PEX3: variants seen among roughly 807,000 people sequenced by gnomAD.
The protein encoded by PEX3 is peroxin-3.
Under a neutral mutation model 55.8 loss-of-function variants are expected in PEX3, and 30 were observed. That is an observed-to-expected ratio of 0.54 (90% CI 0.40 to 0.73). The LOEUF (loss-of-function observed/expected upper bound fraction) is 0.73, where lower values mean the gene tolerates loss of function less well. PEX3 is among the 30% of genes least tolerant of loss of function. The pLI, the probability that PEX3 is intolerant of heterozygous loss-of-function variation, is 0.00. For synonymous variants in PEX3, 135 were observed against 148.4 expected, an observed-to-expected ratio of 0.91 and a Z score of 0.66; for missense variants, 351 against 432.8, an observed-to-expected ratio of 0.81 and a Z score of 1.68.
rs1362175983 is a variant in PEX3, at chr6:143,487,530, G to T, written c.1039-1613G>T. Among the ~76,000 whole-genome samples, 5 of 152,068 alleles carry T rather than the reference G, an allele frequency of 3.3e-5. No individual in the cohort carries two copies. The highest frequency in any genetic ancestry group is 5.9e-5 in the Non-Finnish European group (4 of 67,982). ...ATTAAAAACTCAATAAGATCCTTAA[G>T]ATTAGAGCTTTTTCGTAACTCAAAA... On this transcript the variant is annotated intron_variant, in intron 11 of 11. Transcript: ENST00000367591. The surrounding 1 kb of genome is among the most constrained non-coding windows in gnomAD (Gnocchi z 5.3).
At chr6:143,456,301 A>T (rs1483320415) in intron 1 of PEX3, among the ~76,000 whole-genome samples, 1 of 152,164 alleles carries the variant, frequency 6.6e-6, no homozygotes, top group African/African-American at 2.4e-5. Flanking sequence ...CATGAGCTCC[A>T]TGTTTTAGCT....
At chr6:143,484,862 A>G (rs1780291808) in intron 10 of PEX3, 1 of 365,566 alleles carries the variant, frequency 2.7e-6, no homozygotes, top group Non-Finnish European at 5.1e-6. Context: ...ACTTTTAATA[A>G]GATGGAAAAT....
Position 143,488,079 on chromosome 6 carries a change from T to C in PEX3, c.1039-1064T>C, listed in dbSNP as rs1229201668. Among the ~76,000 whole-genome samples, 2 of 152,164 alleles carry C rather than the reference T, an allele frequency of 1.3e-5. No homozygotes were observed. Among genetic ancestry groups the C allele is most frequent in the Non-Finnish European group, 2.9e-5 (2 of 67,998 alleles). On this transcript the variant is annotated intron_variant, in intron 11 of 11. Transcript: ENST00000367591. This position sits in a 1 kb window ranked among gnomAD's most constrained non-coding sequence, Gnocchi z 4.9. ...AACATTGATCTAAACCTATGTTTCA[T>C]TGAACACCTAGACTGAATACTTGAA...
intron 8 of PEX3, among the ~76,000 whole-genome samples, chr6:143,473,047 C>T (rs1780096815): frequency 6.6e-6 from 1 of 152,194 alleles, no homozygotes; most frequent in African/African-American, 2.4e-5. Context: ...GGTTTGCACT[C>T]ATTCTTTGTA....
chr6:143,469,560 T>A lies in PEX3; in HGVS notation c.331+1395T>A, dbSNP rs1390996254. ...CTTGTAAATTTGTTTAAGTTCTTTG[T>A]AGATTCTGGATGATAGCCCTTTGTC... is the stretch of plus-strand genomic sequence containing the variant. On this transcript the variant is annotated intron_variant, in intron 4 of 11. Coordinates refer to ENST00000367591, the MANE Select transcript of PEX3 (RefSeq NM_003630.3). Among the ~76,000 whole-genome samples the A allele has an allele frequency of 2.6e-5, 4 of 152,342 alleles. No homozygotes were observed. The East Asian group carries it at 7.7e-4, about 29-fold the overall frequency.
chr6:143,470,978 G>T lies in PEX3; in HGVS notation c.349G>T (p.Val117Leu). ...CTGTGAAGGTTTCACAAGAAGTACT[G>T]TGGCTGTATACAGTACCTGTATGCT... ...LKIISFTRSTVAVYSTCMLVV... is the reference protein window; with the variant it reads ...LKIISFTRSTLAVYSTCMLVV... The change falls in exon 5 of 12, where the codon GTG (valine) becomes TTG (leucine). Residue 117 changes from valine (V) to leucine (L), a missense_variant. Val to Leu is a conservative substitution (Grantham distance 32). Transcript: ENST00000367591. 6.2e-7 allele frequency: 1 copy of T among 1,612,672 alleles called. No homozygotes were observed. The highest frequency in any genetic ancestry group is 8.5e-7 in the Non-Finnish European group (1 of 1,178,906).
At position 143,488,256 on chromosome 6, in the gene PEX3, G is replaced by A. The variant is rs1317548926; in HGVS notation, c.1039-887G>A. 3.3e-5 allele frequency among the ~76,000 whole-genome samples: 5 copies of A among 152,060 alleles called. No individual in the cohort carries two copies. The East Asian group carries it at 9.6e-4, about 29-fold the overall frequency. ...TCCCATTTCTTTGACACTCTCAGAG[G>A]CTGTCAACCTTTTCTATCATGGACC... On this transcript the variant is annotated intron_variant, in intron 11 of 11. Transcript: ENST00000367591. This position sits in a 1 kb window ranked among gnomAD's most constrained non-coding sequence, Gnocchi z 4.9.
At chr6:143,470,685 G>A (rs979966527) in intron 4 of PEX3, among the ~76,000 whole-genome samples, 3 of 152,102 alleles carry the variant, frequency 2.0e-5, no homozygotes, top group Admixed American at 6.5e-5. Flanking sequence ...GTGCTTCCCA[G>A]ACTTTTCCTT....
chr6:143,469,744 C>T (rs1244470171), intron 4 of PEX3, among the ~76,000 whole-genome samples: 3 of 152,148 alleles, frequency 2.0e-5, no homozygotes, highest in Non-Finnish European at 4.4e-5. Context: ...GTCATGAAGT[C>T]CTTGCCCATG....
At position 143,458,729 on chromosome 6, in the gene PEX3, A is replaced by C. The variant is rs1215561707; in HGVS notation, c.74-356A>C. Among the ~76,000 whole-genome samples, 1 of 152,214 alleles carries C rather than the reference A, an allele frequency of 6.6e-6. No individual in the cohort carries two copies. The highest frequency in any genetic ancestry group is 1.5e-5 in the Non-Finnish European group (1 of 68,042). On this transcript the variant is annotated intron_variant, in intron 1 of 11. Transcript: ENST00000367591. This position sits in a 1 kb window ranked among gnomAD's most constrained non-coding sequence, Gnocchi z 6.1. ...TTATTTAGCAATGTGGTTTTTAATA[A>C]CTACATAAGATTTCGTTGTATGGCT...
At chr6:143,469,810 G>A (rs1780045489) in intron 4 of PEX3, among the ~76,000 whole-genome samples, 1 of 152,156 alleles carries the variant, frequency 6.6e-6, no homozygotes, top group Non-Finnish European at 1.5e-5. Context: ...ATGGTTTTAG[G>A]TCTAACATTT....
In PEX3 at chr6:143,465,728, T is replaced by A. The variant is rs1004877195; in HGVS notation, c.288-2394T>A. On this transcript the variant is annotated intron_variant, in intron 3 of 11. Coordinates refer to ENST00000367591, the MANE Select transcript of PEX3 (RefSeq NM_003630.3). The surrounding 1 kb of genome is among the most constrained non-coding windows in gnomAD (Gnocchi z 4.7). ...CGTGAGTCTTGAACACTAGATTAGA[T>A]TAAGGTTGCAGCAGTGTCTTGCATG... Among the ~76,000 whole-genome samples, 1 of 151,990 alleles carries A rather than the reference T, an allele frequency of 6.6e-6. No individual in the cohort carries two copies. Among genetic ancestry groups the A allele is most frequent in the African/African-American group, 2.4e-5 (1 of 41,430 alleles).
At chr6:143,467,370 TATAAATAA>T (rs926394607) in intron 3 of PEX3, among the ~76,000 whole-genome samples, 22 of 152,036 alleles carry the variant, frequency 1.4e-4, no homozygotes, top group Admixed American at 1.4e-3. Flanking sequence ...CATATGCACA[TATAAATAA>T]ATAAATAAAT....
Position 143,486,249 on chromosome 6 carries a change from C to A in PEX3, c.1038+1001C>A, listed in dbSNP as rs1022141698. Among the ~76,000 whole-genome samples, 3 of 152,110 alleles carry A rather than the reference C, an allele frequency of 2.0e-5. No individual in the cohort carries two copies. The highest frequency in any genetic ancestry group is 2.9e-5 in the Non-Finnish European group (2 of 67,992). ...TTTTACTGAATGTTAAGCTTCACAT[C>A]TATATCAATGTGAGAAAAAGGTCAT... On this transcript the variant is annotated intron_variant, in intron 11 of 11. Transcript: ENST00000367591. The surrounding 1 kb of genome is among the most constrained non-coding windows in gnomAD (Gnocchi z 5.0).
At position 143,470,948 on chromosome 6, in the gene PEX3, T is replaced by C. The variant is rs979636036; in HGVS notation, c.332-13T>C. ...TAATCACAGTACCAAATGCTTTTCT[T>C]TTCTCTGTGAAGGTTTCACAAGAAG... On this transcript the variant is annotated splice_polypyrimidine_tract_variant and intron_variant, in intron 4 of 11. Transcript: ENST00000367591. The C allele has an allele frequency of 9.9e-6, 16 of 1,611,174 alleles. No homozygotes were observed. Among genetic ancestry groups the C allele is most frequent in the African/African-American group, 4.0e-5 (3 of 74,824 alleles).
rs560504027 is a variant in PEX3, at chr6:143,463,557, G to A, written c.287+560G>A. 7.9e-5 allele frequency among the ~76,000 whole-genome samples: 12 copies of A among 152,214 alleles called. No individual in the cohort carries two copies. In the South Asian group the frequency reaches 2.5e-3, roughly 32 times the overall value. ...TGTATATTGCATGTAGCATGTGTTG[G>A]GGTATTGTAATTTGGTATGATACTG... is the stretch of plus-strand genomic sequence containing the variant. On this transcript the variant is annotated intron_variant, in intron 3 of 11. Coordinates refer to ENST00000367591, the MANE Select transcript of PEX3 (RefSeq NM_003630.3). The surrounding 1 kb of genome is among the most constrained non-coding windows in gnomAD (Gnocchi z 5.7).
rs1443231747 is a variant in PEX3 at position 143,454,340 on chromosome 6, C to A, written c.73+3225C>A. 6.6e-6 allele frequency among the ~76,000 whole-genome samples: 1 copy of A among 152,146 alleles called. No individual in the cohort carries two copies. Among genetic ancestry groups the A allele is most frequent in the Non-Finnish European group, 1.5e-5 (1 of 68,030 alleles). On this transcript the variant is annotated intron_variant, in intron 1 of 11. Transcript: ENST00000367591. The surrounding 1 kb of genome is among the most constrained non-coding windows in gnomAD (Gnocchi z 4.3). ...CTCCCTGAAATGGTCTTAAAGACCC[C>A]AGGGGTGCCCATGCCACACTTTGAG...
chr6:143,477,470 G>A (rs1412252070), intron 9 of PEX3, among the ~76,000 whole-genome samples: 1 of 152,116 alleles, frequency 6.6e-6, no homozygotes, highest in African/African-American at 2.4e-5. Flanking sequence ...CTTTGAATAG[G>A]AGAAAGGAAT....
chr6:143,474,969 ATTTTTGACT>A, intron 9 of PEX3, 113 bp downstream of exon 9: 1 of 597,266 alleles, frequency 1.7e-6, no homozygotes. Flanking sequence ...TTAAAATTAA[ATTTTTGACT>A]CTGTTCCCCA....
Sources: gnomAD v4.1 joint callset for allele counts (sites outside exome capture counted in the v4.1 genomes callset) on GRCh38, gnomAD v4.1.1 for gene constraint, Gnocchi (gnomAD v3.1) non-coding constraint, MANE v1.5 for transcripts, NCBI Gene and HGNC (gene_info 2026-07-23, HGNC 2026-07-21) for gene names.